LNP1: variants seen among roughly 807,000 people sequenced by gnomAD.
The protein encoded by LNP1 is leukemia NUP98 fusion partner 1.
Under a neutral mutation model 14.5 loss-of-function variants are expected in LNP1, and 12 were observed. The observed-to-expected ratio is 0.83, with a 90% CI of 0.53 to 1.34. The LOEUF is 1.34. Ranked by LOEUF, LNP1 falls within the 40% of genes most tolerant of loss-of-function variation. The pLI is 0.00. For synonymous variants in LNP1, 75 were observed against 71.4 expected (o/e 1.05, Z -0.26); for missense variants, 198 against 210.9 (o/e 0.94, Z 0.38).
intron 2 of LNP1, among the ~76,000 whole-genome samples, chr3:100,442,388 C>A (rs1254928570): frequency 6.6e-6 from 1 of 152,088 alleles, no homozygotes; most frequent in African/African-American, 2.4e-5. Context: ...CTCAGGAGGT[C>A]CCAACAACAA....
intron 3 of LNP1, among the ~76,000 whole-genome samples, chr3:100,454,655 T>C (rs1345124196): frequency 2.0e-5 from 3 of 152,224 alleles, no homozygotes; most frequent in African/African-American, 4.8e-5. Context: ...AGAGATGTGA[T>C]AAAATGTATT....
intron 1 of LNP1, among the ~76,000 whole-genome samples, chr3:100,416,854 G>C (rs930278592): frequency 6.6e-6 from 1 of 151,680 alleles, no homozygotes; most frequent in African/African-American, 2.4e-5. Flanking sequence ...GCATGCATTA[G>C]GTATTTGTCC....
At position 100,419,242 on chromosome 3, in the gene LNP1, A is replaced by G. The variant is rs570997131; in HGVS notation, c.-33-10455A>G. 6.6e-5 allele frequency among the ~76,000 whole-genome samples: 10 copies of G among 152,282 alleles called. No homozygotes were observed. The South Asian group carries it at 2.1e-3, about 32-fold the overall frequency. On this transcript the variant is annotated intron_variant, in intron 1 of 3. Coordinates refer to ENST00000383693, the MANE Select transcript of LNP1 (RefSeq NM_001085451.2). ...CCCAGAGTACCTCTAACTCAACAGC[A>G]TTTTGGTCCTGTAGCTACCCATTTA... is the stretch of plus-strand genomic sequence containing the variant.
chr3:100,401,566 C>G lies in LNP1; in HGVS notation c.-907C>G, dbSNP rs1320738610. 1 of 152,996 alleles carries G rather than the reference C, an allele frequency of 6.5e-6. No individual in the cohort carries two copies. Among genetic ancestry groups the G allele is most frequent in the Non-Finnish European group, 1.5e-5 (1 of 68,532 alleles). 9.5% of individuals were successfully genotyped at this position (152,996 alleles called of 1,614,324 possible). A position where few individuals can be genotyped will look rare whatever the true frequency, so the allele number is the denominator to read the frequency against. ...TTTTCCAGTTATAGCCACGTTGGCACCTCTTGAACCTCTGTGGCCGTTAGC... is the reference window on the plus strand; with the variant it reads ...TTTTCCAGTTATAGCCACGTTGGCAGCTCTTGAACCTCTGTGGCCGTTAGC... On this transcript the variant is annotated 5_prime_UTR_variant, in exon 1 of 4. Coordinates refer to ENST00000383693, the MANE Select transcript of LNP1 (RefSeq NM_001085451.2).
chr3:100,413,354 AG>A (rs1434036854), intron 1 of LNP1, among the ~76,000 whole-genome samples: 4 of 152,176 alleles, frequency 2.6e-5, no homozygotes, highest in Admixed American at 2.0e-4. Flanking sequence ...TTCACTTCTC[AG>A]GGGGAATGTC....
At chr3:100,433,327 T>A (rs1001500778) in intron 2 of LNP1, among the ~76,000 whole-genome samples, 6 of 152,236 alleles carry the variant, frequency 3.9e-5, no homozygotes, top group Admixed American at 2.0e-4. Context: ...TGTTTGGTTT[T>A]CTGTTCCTGT....
chr3:100,418,434 T>C (rs1464417235), intron 1 of LNP1, among the ~76,000 whole-genome samples: 1 of 152,020 alleles, frequency 6.6e-6, no homozygotes, highest in Non-Finnish European at 1.5e-5. Flanking sequence ...GTAGGTACTT[T>C]TTTTTTTTGG....
chr3:100,444,291 G>T (rs1390677519), intron 2 of LNP1, among the ~76,000 whole-genome samples: 10 of 152,088 alleles, frequency 6.6e-5, no homozygotes, highest in African/African-American at 2.4e-4. Flanking sequence ...AAGGAAAATT[G>T]TTACTTATGT....
In LNP1 at chr3:100,450,828, T is replaced by A. The variant is rs181010325; in HGVS notation, c.157-891T>A. 3.3e-5 allele frequency among the ~76,000 whole-genome samples: 5 copies of A among 152,248 alleles called. No homozygotes were observed. In the East Asian group the frequency reaches 7.7e-4, roughly 23 times the overall value. ...CCATAAAGGAGTTACCTGCCTTCCA[T>A]CATCATGGCAACAGGAAATCTTGCC... On this transcript the variant is annotated intron_variant, in intron 2 of 3. Transcript: ENST00000383693.
At chr3:100,419,903 C>G (rs532313736) in intron 1 of LNP1, among the ~76,000 whole-genome samples, 12 of 152,194 alleles carry the variant, frequency 7.9e-5, no homozygotes, top group African/African-American at 2.9e-4. Context: ...AGTACAATCA[C>G]TGGGTCATAT....
Position 100,401,572 on chromosome 3 carries a change from G to C in LNP1, c.-901G>C, listed in dbSNP as rs958258737. 1 of 152,938 alleles carries C rather than the reference G, an allele frequency of 6.5e-6. No individual in the cohort carries two copies. Among genetic ancestry groups the C allele is most frequent in the Non-Finnish European group, 1.5e-5 (1 of 68,504 alleles). 9.5% of individuals were successfully genotyped at this position (152,938 alleles called of 1,614,324 possible). A position where few individuals can be genotyped will look rare whatever the true frequency, so the allele number is the denominator to read the frequency against. ...AGTTATAGCCACGTTGGCACCTCTT[G>C]AACCTCTGTGGCCGTTAGCACGGTT... is the stretch of plus-strand genomic sequence containing the variant. On this transcript the variant is annotated 5_prime_UTR_variant, in exon 1 of 4. Coordinates refer to ENST00000383693, the MANE Select transcript of LNP1 (RefSeq NM_001085451.2).
chr3:100,415,162 A>T (rs189925673), intron 1 of LNP1, among the ~76,000 whole-genome samples: 26 of 152,322 alleles, frequency 1.7e-4, no homozygotes, highest in Admixed American at 1.3e-4. Flanking sequence ...ACATTAAAAG[A>T]TTTTAACTTA....
intron 1 of LNP1, among the ~76,000 whole-genome samples, chr3:100,415,604 G>A (rs1707075245): frequency 1.3e-5 from 2 of 152,210 alleles, no homozygotes; most frequent in Non-Finnish European, 2.9e-5. Context: ...TTAATAAAAT[G>A]GAAGATTCAG....
intron 2 of LNP1, among the ~76,000 whole-genome samples, chr3:100,442,227 T>C (rs1463155424): frequency 6.6e-6 from 1 of 152,242 alleles, no homozygotes; most frequent in Non-Finnish European, 1.5e-5. Flanking sequence ...GATGTTCTAC[T>C]TAATGTTTTA....
intron 1 of LNP1, among the ~76,000 whole-genome samples, chr3:100,428,467 G>T (rs112416427): frequency 0.022 from 3,315 of 151,744 alleles, 114 homozygotes; most frequent in African/African-American, 0.076. Context: ...GGGAAGTGGG[G>T]GTTGCAGTGA....
intron 1 of LNP1, among the ~76,000 whole-genome samples, chr3:100,408,592 A>G (rs1175396773): frequency 6.6e-6 from 1 of 152,140 alleles, no homozygotes; most frequent in African/African-American, 2.4e-5. Context: ...CTGGAACTCA[A>G]GTTTGTCTCA....
At chr3:100,412,843 T>C (rs552404085) in intron 1 of LNP1, among the ~76,000 whole-genome samples, 3 of 152,348 alleles carry the variant, frequency 2.0e-5, no homozygotes, top group African/African-American at 7.2e-5. Context: ...TAGTCATCTT[T>C]GTACTCCTGT....
chr3:100,417,381 T>C (rs1489520168), intron 1 of LNP1, among the ~76,000 whole-genome samples: 1 of 134,378 alleles, frequency 7.4e-6, no homozygotes, highest in Non-Finnish European at 1.6e-5. Context: ...CTTTTTTTTT[T>C]TTTTTTTTTT....
intron 2 of LNP1, among the ~76,000 whole-genome samples, chr3:100,435,466 T>C (rs1018922082): frequency 3.9e-5 from 6 of 152,242 alleles, no homozygotes; most frequent in Non-Finnish European, 8.8e-5. Flanking sequence ...TATACAGTGC[T>C]TTGAACAGTG....
Sources: allele counts gnomAD v4.1 joint callset (sites outside exome capture counted in the v4.1 genomes callset), GRCh38; gene constraint gnomAD v4.1.1; transcripts MANE v1.5; gene names NCBI Gene and HGNC (gene_info 2026-07-23, HGNC 2026-07-21).